The following SLC2A7 variants were observed in gnomAD, a reference collection of about 807,000 sequenced individuals.
SLC2A7 encodes the protein solute carrier family 2, facilitated glucose transporter member 7.
In SLC2A7, 50 loss-of-function variants were observed where a neutral mutation model predicts 50.5. That is an observed-to-expected ratio of 0.99 (90% CI 0.79 to 1.25). SLC2A7 has a LOEUF of 1.25. Ranked by LOEUF, SLC2A7 falls within the 50% of genes most tolerant of loss-of-function variation. SLC2A7 has a pLI of 0.00. For synonymous variants in SLC2A7, 308 were observed against 300.4 expected, an observed-to-expected ratio of 1.03 and a Z score of -0.26; for missense variants, 683 against 679.1, an observed-to-expected ratio of 1.01 and a Z score of -0.06.
rs1641000296 is a variant in SLC2A7 at position 9,026,295 on chromosome 1, CCCCTCCCTGGATGG to C, written c.37_50del (p.Pro13AlafsTer45). On this transcript the variant is annotated frameshift_variant and splice_region_variant, in exon 1 of 12. Transcript: ENST00000400906. LOFTEE classifies it high-confidence loss of function. ...ACAGGTTCCTAGTCTTGGCACTTAC[CCCCTCCCTGGATGG>C]AATGGGTGGAGGGGTTCCCGCCTCT... 1.2e-6 allele frequency: 2 copies of C among 1,609,010 alleles called. No individual in the cohort carries two copies. Among genetic ancestry groups the C allele is most frequent in the Admixed American group, 3.4e-5 (2 of 59,462 alleles).
At chr1:8,996,212 G>C in the SLC2A7 span, among the ~76,000 whole-genome samples, 11 of 152,004 alleles carry the variant, frequency 7.2e-5, no homozygotes, top group Admixed American at 7.2e-4. Flanking sequence ...ACACTGATTT[G>C]TTTTCTGTTA....
At chr1:9,005,815 A>C (rs1640646276) in intron 10 of SLC2A7, among the ~76,000 whole-genome samples, 1 of 151,834 alleles carries the variant, frequency 6.6e-6, no homozygotes, top group Non-Finnish European at 1.5e-5. Flanking sequence ...GAAAAAAAGA[A>C]AAGGACCGAT....
intron 7 of SLC2A7, 83 bp downstream of exon 7, chr1:9,014,598 T>G: frequency 6.6e-7 from 1 of 1,505,126 alleles, no homozygotes; most frequent in South Asian, 1.2e-5. Context: ...AGGCCAGGCC[T>G]CTGTGGGTGG....
intron 10 of SLC2A7, among the ~76,000 whole-genome samples, 172 bp downstream of exon 10, chr1:9,007,138 C>G (rs1301912297): frequency 6.6e-6 from 1 of 152,220 alleles, no homozygotes; most frequent in Non-Finnish European, 1.5e-5. Context: ...TGAATGAATG[C>G]ACATGGCCTG....
chr1:9,017,980 T>A (rs1386654626), intron 5 of SLC2A7, among the ~76,000 whole-genome samples: 1 of 152,020 alleles, frequency 6.6e-6, no homozygotes, highest in Admixed American at 6.6e-5. Flanking sequence ...CCAACTTCTC[T>A]CCTTCCCTTT....
chr1:9,013,604 GATGTGT>G lies in SLC2A7; in HGVS notation c.929_934del (p.Tyr310_Thr311del). On this transcript the variant is annotated inframe_deletion, in exon 8 of 12. Transcript: ENST00000400906. The stretch of plus-strand genomic sequence containing the variant: ...GGAGTGAGCGGCCTCCACGCCCGCA[GATGTGT>G]AGATGGTGTCCGCATAGTAGTTGAT... 6.2e-7 allele frequency: 1 copy of G among 1,614,156 alleles called. No individual in the cohort carries two copies. The highest frequency in any genetic ancestry group is 8.5e-7 in the Non-Finnish European group (1 of 1,179,998).
intron 5 of SLC2A7, among the ~76,000 whole-genome samples, chr1:9,015,597 T>C (rs1239048613): frequency 6.6e-6 from 1 of 152,160 alleles, no homozygotes; most frequent in African/African-American, 2.4e-5. Context: ...GCCTGGACCC[T>C]GCGCTGGGTC....
downstream of SLC2A7, among the ~76,000 whole-genome samples, chr1:8,999,281 G>A (rs918539548): frequency 1.3e-5 from 2 of 152,292 alleles, no homozygotes; most frequent in Non-Finnish European, 2.9e-5. Flanking sequence ...ATAGGCATGA[G>A]CCACTGCACC....
chr1:9,003,550 G>A (rs747182728), intron 11 of SLC2A7, 32 bp from the exon 12 acceptor site: 43 of 1,585,178 alleles, frequency 2.7e-5, no homozygotes, highest in Non-Finnish European at 3.6e-5. Flanking sequence ...ACAGGAGGGG[G>A]CAGAGAAAGG....
At chr1:9,004,706 C>G (rs1557645501) in intron 11 of SLC2A7, 46 bp downstream of exon 11, 17 of 1,610,068 alleles carry the variant, frequency 1.1e-5, no homozygotes, top group Non-Finnish European at 1.4e-5. Context: ...ACATCTTACT[C>G]CCTGGAGGCC....
chr1:9,013,735 G>A (rs1640784654), intron 7 of SLC2A7, 100 bp from the exon 8 acceptor site: 2 of 997,326 alleles, frequency 2.0e-6, no homozygotes, highest in East Asian at 5.4e-5. Flanking sequence ...AGCCTGGGTT[G>A]GGGACCCTGG....
chr1:9,015,203 A>G lies in SLC2A7; in HGVS notation c.629T>C (p.Leu210Pro). 2 of 1,609,284 alleles carry G rather than the reference A, an allele frequency of 1.2e-6. No homozygotes were observed. Among genetic ancestry groups the G allele is most frequent in the Non-Finnish European group, 1.7e-6 (2 of 1,178,578 alleles). Residue 210 changes from leucine to proline, a missense_variant, in exon 6 of 12, where the codon CTG becomes CCG. Physicochemically the swap from Leu to Pro is moderately conservative, Grantham distance 98. Coordinates refer to ENST00000400906, the MANE Select transcript of SLC2A7 (RefSeq NM_207420.3). ...VLLALTGVPA[L>P]LQLLTLPFFP... is the part of the protein sequence containing the mutation. ...GAAGGGCAGGGTCAGCAGCTGCAGCAGGGCGGGCACCCCTGTGAGCGCCAG... is the reference window on the plus strand; with the variant it reads ...GAAGGGCAGGGTCAGCAGCTGCAGCGGGGCGGGCACCCCTGTGAGCGCCAG...
chr1:9,005,844 A>G lies in SLC2A7; in HGVS notation c.1193-965T>C, dbSNP rs140137998. On this transcript the variant is annotated intron_variant, in intron 10 of 11. Coordinates refer to ENST00000400906, the MANE Select transcript of SLC2A7 (RefSeq NM_207420.3). ...GACCGATCTCCCTCTCTGGATGGAC[A>G]TGGAGAAGAATTCAAAGCCCCTGAA... Among the ~76,000 whole-genome samples, 678 of 151,890 alleles carry G rather than the reference A, an allele frequency of 4.5e-3. 6 individuals are homozygous for G. Among genetic ancestry groups the G allele is most frequent in the Non-Finnish European group, 6.3e-3 (428 of 67,952 alleles).
At chr1:9,007,741 C>CA (rs997108684) in intron 9 of SLC2A7, among the ~76,000 whole-genome samples, 31 of 140,208 alleles carry the variant, frequency 2.2e-4, no homozygotes, top group African/African-American at 6.5e-4. Context: ...ACGATTCTTT[C>CA]TTTTTTTTTT....
In SLC2A7 at chr1:9,014,957, C is replaced by T. The variant is rs1050711231; in HGVS notation, c.716-89G>A. 1.4e-5 allele frequency: 21 copies of T among 1,504,626 alleles called. 1 individual carries two copies. The Admixed American group carries it at 4.3e-4, about 31-fold the overall frequency. The allele number at this position is 1,504,626 out of a possible 1,614,324, so 93.2% of individuals were successfully genotyped here. ...ATGCTGGCCCTGAGCTCACCATTCC[C>T]TGACCTGACCTTGGTTGTGCCCCAG... is the stretch of plus-strand genomic sequence containing the variant. On this transcript the variant is annotated intron_variant, in intron 6 of 11. Coordinates refer to ENST00000400906, the MANE Select transcript of SLC2A7 (RefSeq NM_207420.3).
Position 9,019,299 on chromosome 1 carries a change from T to C in SLC2A7, c.346A>G (p.Ile116Val), listed in dbSNP as rs893989827. ...GTLLINNIFA[I>V]IPAILMGVSK... ...ACTCCCATCAGGATGGCGGGGATGATGGCAAAGATGTTGTTGATCAGCAGG... is the reference window on the plus strand; with the variant it reads ...ACTCCCATCAGGATGGCGGGGATGACGGCAAAGATGTTGTTGATCAGCAGG... Residue 116 changes from isoleucine to valine, a missense_variant, in exon 4 of 12, where the codon ATC (isoleucine) becomes GTC (valine). Transcript: ENST00000400906. The C allele has an allele frequency of 3.7e-6, 6 of 1,614,072 alleles. No homozygotes were observed. Among genetic ancestry groups the C allele is most frequent in the Non-Finnish European group, 5.1e-6 (6 of 1,179,982 alleles).
At chr1:9,006,327 T>C (rs1027047781) in intron 10 of SLC2A7, among the ~76,000 whole-genome samples, 4 of 152,186 alleles carry the variant, frequency 2.6e-5, no homozygotes, top group Non-Finnish European at 5.9e-5. Context: ...GGATCTTGGC[T>C]TACTGCAACC....
chr1:8,997,782 T>G, the SLC2A7 span, among the ~76,000 whole-genome samples: 1 of 152,210 alleles, frequency 6.6e-6, no homozygotes. Context: ...AATTTTTTTG[T>G]GCTTGTCTGT....
the SLC2A7 span, among the ~76,000 whole-genome samples, chr1:8,997,103 T>G: frequency 1.3e-4 from 20 of 152,148 alleles, no homozygotes; most frequent in South Asian, 4.2e-3. Flanking sequence ...TTCATGTGCT[T>G]ATTTACCATC....
Sources: gnomAD v4.1 joint callset for allele counts (sites outside exome capture counted in the v4.1 genomes callset) on GRCh38, gnomAD v4.1.1 for gene constraint, MANE v1.5 for transcripts, NCBI Gene and HGNC (gene_info 2026-07-23, HGNC 2026-07-21) for gene names.